HMGCLL1: variants seen among roughly 807,000 people sequenced by gnomAD.
HMGCLL1 encodes 3-hydroxy-3-methylglutaryl-CoA lyase like 1.
In HMGCLL1, 36 loss-of-function variants were observed where a neutral mutation model predicts 39.1. That is an observed-to-expected ratio of 0.92 (90% CI 0.71 to 1.22). HMGCLL1 has a LOEUF of 1.22. HMGCLL1 is among the 50% of genes most tolerant of loss of function. The pLI is 0.00. For missense variants in HMGCLL1, 451 were observed against 416.5 expected, an observed-to-expected ratio of 1.08 and a Z score of -0.72; for synonymous variants, 149 against 144.0, an observed-to-expected ratio of 1.03 and a Z score of -0.25.
chr6:55,460,239 A>G (rs1045634477), intron 7 of HMGCLL1, among the ~76,000 whole-genome samples: 4 of 152,020 alleles, frequency 2.6e-5, no homozygotes, highest in African/African-American at 9.7e-5. Context: ...GTAGAAAACT[A>G]TGCATAAAAT....
chr6:55,629,027 T>A, the HMGCLL1 span, among the ~76,000 whole-genome samples: 1 of 152,168 alleles, frequency 6.6e-6, no homozygotes, highest in Non-Finnish European at 1.5e-5. Flanking sequence ...AGTGGGACAC[T>A]GCTGTAAATA....
chr6:55,595,477 TAA>T, the HMGCLL1 span, among the ~76,000 whole-genome samples: 1 of 152,184 alleles, frequency 6.6e-6, no homozygotes, highest in East Asian at 1.9e-4. Flanking sequence ...CTAATGACAA[TAA>T]AGTCTTAACT....
At chr6:55,577,038 AG>A (rs1363886030) in intron 1 of HMGCLL1, 1 of 1,610,392 alleles carries the variant, frequency 6.2e-7, no homozygotes, top group East Asian at 2.2e-5. Flanking sequence ...AACTCACACT[AG>A]GAAGAGTGTA....
the HMGCLL1 span, among the ~76,000 whole-genome samples, chr6:55,651,642 C>T: frequency 9.2e-5 from 14 of 152,044 alleles, no homozygotes; most frequent in South Asian, 2.9e-3. Context: ...CTAAGCCCAA[C>T]CTGGGACTAG....
chr6:55,477,291 A>T lies in HMGCLL1; in HGVS notation c.795+18128T>A, dbSNP rs1227901588. Among the ~76,000 whole-genome samples the T allele has an allele frequency of 4.0e-4, 4 of 10,100 alleles. No individual in the cohort carries two copies. In the African/African-American group the frequency reaches 4.2e-3, roughly 11 times the overall value. The allele number at this position is 10,100 out of a possible 152,430, so 6.6% of individuals were successfully genotyped here. On this transcript the variant is annotated intron_variant, in intron 7 of 8. Transcript: ENST00000274901. Reference sequence around the variant, plus strand: ...ATAATATATATTATATATTATATATAAAATAATATATATTATATATATAAT... The same window carrying T: ...ATAATATATATTATATATTATATATTAAATAATATATATTATATATATAAT...
chr6:55,590,167 A>C, the HMGCLL1 span, among the ~76,000 whole-genome samples: 2 of 152,224 alleles, frequency 1.3e-5, no homozygotes, highest in Non-Finnish European at 2.9e-5. Context: ...ACAAGGCTAC[A>C]GTAACCAAAA....
intron 3 of HMGCLL1, among the ~76,000 whole-genome samples, chr6:55,522,083 C>T (rs1281141154): frequency 6.6e-6 from 1 of 151,998 alleles, no homozygotes; most frequent in Admixed American, 6.6e-5. Context: ...TAAGCCAAAG[C>T]CTAATCCAGG....
chr6:55,606,298 T>C, the HMGCLL1 span, among the ~76,000 whole-genome samples: 1 of 152,298 alleles, frequency 6.6e-6, no homozygotes, highest in South Asian at 2.1e-4. Context: ...ACACACGACA[T>C]ATATCCATTA....
At chr6:55,652,187 C>T in the HMGCLL1 span, among the ~76,000 whole-genome samples, 1 of 152,064 alleles carries the variant, frequency 6.6e-6, no homozygotes, top group Non-Finnish European at 1.5e-5. Context: ...ACTCCATCCC[C>T]TGAATGAATT....
chr6:55,489,546 T>C (rs1766207802), intron 7 of HMGCLL1, among the ~76,000 whole-genome samples: 1 of 151,992 alleles, frequency 6.6e-6, no homozygotes, highest in Admixed American at 6.6e-5. Flanking sequence ...TCGAAGGTGA[T>C]AGCAGCAAGA....
At chr6:55,616,735 C>A in the HMGCLL1 span, among the ~76,000 whole-genome samples, 1 of 151,714 alleles carries the variant, frequency 6.6e-6, no homozygotes, top group Non-Finnish European at 1.5e-5. Context: ...AATAATATGA[C>A]TGAGAACAAA....
intron 7 of HMGCLL1, among the ~76,000 whole-genome samples, chr6:55,444,293 C>T (rs1763723560): frequency 6.6e-6 from 1 of 151,932 alleles, no homozygotes; most frequent in African/African-American, 2.4e-5. Context: ...AGAGTCCTTT[C>T]TAGAAATATT....
At chr6:55,504,648 G>A (rs1205411688) in intron 5 of HMGCLL1, among the ~76,000 whole-genome samples, 1 of 146,538 alleles carries the variant, frequency 6.8e-6, no homozygotes, top group East Asian at 2.0e-4. Flanking sequence ...GTAGTTGCTA[G>A]ACTGTATTTT....
chr6:55,439,632 A>G, intron 7 of HMGCLL1, 73 bp from the exon 8 acceptor site: 1 of 1,529,022 alleles, frequency 6.5e-7, no homozygotes, highest in Non-Finnish European at 8.9e-7. Context: ...TATTTAACCT[A>G]TGGTAAACTG....
At chr6:55,597,634 T>A in the HMGCLL1 span, among the ~76,000 whole-genome samples, 1 of 152,104 alleles carries the variant, frequency 6.6e-6, no homozygotes, top group East Asian at 1.9e-4. Context: ...TTTTTCATTA[T>A]ATTTGAGGGA....
At chr6:55,499,439 A>G in intron 5 of HMGCLL1, 140 bp from the exon 6 acceptor site, 1 of 552,842 alleles carries the variant, frequency 1.8e-6, no homozygotes, top group East Asian at 3.2e-5. Context: ...TCATTGGACC[A>G]AACCAAATGA....
chr6:55,555,449 C>T (rs1297247066), intron 1 of HMGCLL1, among the ~76,000 whole-genome samples: 1 of 152,218 alleles, frequency 6.6e-6, no homozygotes, highest in African/African-American at 2.4e-5. Context: ...ATATATGCAT[C>T]TATTTGTTTG....
At chr6:55,442,275 T>C (rs1033810228) in intron 7 of HMGCLL1, among the ~76,000 whole-genome samples, 1 of 152,150 alleles carries the variant, frequency 6.6e-6, no homozygotes, top group Admixed American at 6.6e-5. Context: ...AAATTTTGAA[T>C]TCTTCTGTAT....
intron 1 of HMGCLL1, among the ~76,000 whole-genome samples, chr6:55,576,315 G>A (rs972501035): frequency 1.3e-5 from 2 of 152,118 alleles, no homozygotes; most frequent in African/African-American, 4.8e-5. Flanking sequence ...AAACACTGTG[G>A]TTCCAGAGGG....
Sources: allele counts gnomAD v4.1 joint callset (sites outside exome capture counted in the v4.1 genomes callset), GRCh38; gene constraint gnomAD v4.1.1; transcripts MANE v1.5; gene names NCBI Gene and HGNC (gene_info 2026-07-23, HGNC 2026-07-21).